Variants in KIAA0825 observed in about 807,000 individuals in gnomAD.
The protein encoded by KIAA0825 is uncharacterized protein KIAA0825.
A neutral mutation model predicts 147.6 loss-of-function variants in KIAA0825; 119 were observed. The observed-to-expected ratio is 0.81, with a 90% confidence interval of 0.69 to 0.94. The LOEUF (loss-of-function observed/expected upper bound fraction) is 0.94. Among genes scored for constraint, KIAA0825 ranks in the 40% least tolerant of loss-of-function variants. The pLI, the probability that KIAA0825 is intolerant of heterozygous loss-of-function variation, is 0.00. For synonymous variants in KIAA0825, 470 were observed against 518.1 expected (o/e 0.91, Z 1.26); for missense variants, 1,381 against 1,472.7 (o/e 0.94, Z 1.02).
intron 20 of KIAA0825, among the ~76,000 whole-genome samples, chr5:94,219,103 C>T (rs560634602): frequency 5.9e-5 from 9 of 152,130 alleles, no homozygotes; most frequent in African/African-American, 2.2e-4. Flanking sequence ...GGAGAAGAGA[C>T]AGTTTTGGAA....
intron 2 of KIAA0825, among the ~76,000 whole-genome samples, chr5:94,581,890 T>C (rs905934881): frequency 6.6e-6 from 1 of 152,184 alleles, no homozygotes; most frequent in African/African-American, 2.4e-5. Context: ...CTTTTATAAA[T>C]TATTCGTCTT....
chr5:94,531,384 A>G (rs1156964572), intron 3 of KIAA0825, among the ~76,000 whole-genome samples: 2 of 152,216 alleles, frequency 1.3e-5, no homozygotes, highest in Non-Finnish European at 1.5e-5. Flanking sequence ...CCACCATGAG[A>G]GAGTCTTTTT....
intron 20 of KIAA0825, among the ~76,000 whole-genome samples, chr5:94,302,637 AT>A (rs1778483298): frequency 6.6e-6 from 1 of 152,024 alleles, no homozygotes; most frequent in Admixed American, 6.6e-5. Context: ...ATTGTTCTTT[AT>A]TAAATATGAT....
chr5:94,248,502 G>T (rs185069762), intron 20 of KIAA0825, among the ~76,000 whole-genome samples: 2 of 152,266 alleles, frequency 1.3e-5, no homozygotes, highest in East Asian at 3.9e-4. Flanking sequence ...GTAGACCAAA[G>T]CTCTGTAACC....
intron 20 of KIAA0825, among the ~76,000 whole-genome samples, chr5:94,305,418 T>C (rs976803849): frequency 2.6e-5 from 4 of 151,938 alleles, no homozygotes; most frequent in African/African-American, 4.8e-5. Context: ...AATGTAGGAT[T>C]GACATATGAC....
At chr5:94,335,079 T>A (rs1206533143) in intron 20 of KIAA0825, among the ~76,000 whole-genome samples, 1 of 152,176 alleles carries the variant, frequency 6.6e-6, no homozygotes, top group African/African-American at 2.4e-5. Context: ...TATTGCAGAT[T>A]TTTTTATGTG....
intron 20 of KIAA0825, among the ~76,000 whole-genome samples, chr5:94,355,115 G>A (rs1784106319): frequency 1.3e-5 from 2 of 152,168 alleles, no homozygotes; most frequent in African/African-American, 4.8e-5. Flanking sequence ...GGGATTAATA[G>A]AAAGGAAATG....
intron 15 of KIAA0825, among the ~76,000 whole-genome samples, chr5:94,408,540 TG>T (rs1752368817): frequency 6.6e-6 from 1 of 151,732 alleles, no homozygotes; most frequent in South Asian, 2.1e-4. Flanking sequence ...TGTGTGTGTG[TG>T]TGTGTATTTT....
intron 20 of KIAA0825, among the ~76,000 whole-genome samples, chr5:94,215,118 G>C (rs1319828395): frequency 6.6e-6 from 1 of 152,144 alleles, no homozygotes; most frequent in African/African-American, 2.4e-5. Flanking sequence ...CAGGTGACAA[G>C]TGTTCAGGGG....
At chr5:94,516,143 T>C (rs1009417065) in intron 5 of KIAA0825, among the ~76,000 whole-genome samples, 1 of 152,170 alleles carries the variant, frequency 6.6e-6, no homozygotes, top group Non-Finnish European at 1.5e-5. Flanking sequence ...ATCACAAGCT[T>C]ATATGTAAAT....
chr5:94,402,162 T>C lies in KIAA0825; in HGVS notation c.2887+1407A>G, dbSNP rs1284731330. 2.0e-5 allele frequency among the ~76,000 whole-genome samples: 3 copies of C among 152,202 alleles called. No individual in the cohort carries two copies. The East Asian group carries it at 5.8e-4, about 29-fold the overall frequency. On this transcript the variant is annotated intron_variant, in intron 16 of 20. Transcript: ENST00000682413. Reference sequence around the variant, plus strand: ...GCATTTTATGAAAAATGTTATTTAGTAAGGAAAACTTTAACAACTGGTATC... The same window carrying C: ...GCATTTTATGAAAAATGTTATTTAGCAAGGAAAACTTTAACAACTGGTATC...
In KIAA0825 at chr5:94,440,025, C is replaced by T; in HGVS notation, c.2454G>A (p.Leu818=). Residue 818 remains leucine, a synonymous_variant, in exon 14 of 21, where the codon CTG becomes CTA. Coordinates refer to ENST00000682413, the MANE Select transcript of KIAA0825 (RefSeq NM_001145678.3). ...TTCTCAGTAAAAGTCCATCATGATG[C>T]AGTAGGGTTTCCAGAAGCAAGTTCC... ...CNWNLLLETL[L]HHDGLLLRIL... The T allele has an allele frequency of 6.4e-7, 1 of 1,551,698 alleles. No individual in the cohort carries two copies. The highest frequency in any genetic ancestry group is 1.4e-5 in the African/African-American group (1 of 73,122).
At chr5:94,431,979 A>G (rs569997619) in intron 14 of KIAA0825, among the ~76,000 whole-genome samples, 67 of 152,234 alleles carry the variant, frequency 4.4e-4, no homozygotes, top group Non-Finnish European at 8.7e-4. Context: ...GGTAGCCACT[A>G]TCAGTTTTTA....
chr5:94,552,122 T>C (rs937854843), intron 2 of KIAA0825, among the ~76,000 whole-genome samples: 2 of 152,062 alleles, frequency 1.3e-5, no homozygotes, highest in African/African-American at 2.4e-5. Context: ...GAAATAGCTA[T>C]AGTTATATCA....
At chr5:94,204,023 C>A (rs1044734570) in intron 20 of KIAA0825, among the ~76,000 whole-genome samples, 2 of 152,088 alleles carry the variant, frequency 1.3e-5, no homozygotes, top group Non-Finnish European at 2.9e-5. Flanking sequence ...TGACTATAAA[C>A]AAACATTTGG....
At chr5:94,346,416 G>T (rs1295786171) in intron 20 of KIAA0825, among the ~76,000 whole-genome samples, 1 of 152,092 alleles carries the variant, frequency 6.6e-6, no homozygotes, top group Non-Finnish European at 1.5e-5. Context: ...GAACAAACCA[G>T]CAATCCCGAG....
At chr5:94,573,420 G>A (rs1167479394) in intron 2 of KIAA0825, among the ~76,000 whole-genome samples, 2 of 151,988 alleles carry the variant, frequency 1.3e-5, no homozygotes, top group African/African-American at 4.8e-5. Context: ...ACAGGCATGT[G>A]CCACCATGCC....
chr5:94,606,781 G>C (rs1787569757), intron 1 of KIAA0825, among the ~76,000 whole-genome samples: 1 of 152,138 alleles, frequency 6.6e-6, no homozygotes, highest in Non-Finnish European at 1.5e-5. Context: ...ATTAAAGTGG[G>C]GGCTCGTGGT....
intron 14 of KIAA0825, among the ~76,000 whole-genome samples, chr5:94,439,463 C>A (rs896831385): frequency 6.6e-6 from 1 of 152,114 alleles, no homozygotes; most frequent in Non-Finnish European, 1.5e-5. Context: ...TTATACTACT[C>A]CTCGATTTCC....
Sources: gnomAD v4.1 joint callset for allele counts (sites outside exome capture counted in the v4.1 genomes callset) on GRCh38, gnomAD v4.1.1 for gene constraint, MANE v1.5 for transcripts, NCBI Gene and HGNC (gene_info 2026-07-23, HGNC 2026-07-21) for gene names.